CALU: variants seen among roughly 807,000 people sequenced by gnomAD.
The protein encoded by CALU is IEF SSP 9302.
CALU carries 13 observed loss-of-function variants against 37.5 expected under a neutral mutation model. The observed-to-expected ratio is 0.35, with a 90% CI of 0.23 to 0.55. The LOEUF (loss-of-function observed/expected upper bound fraction) is 0.55, where lower values mean the gene tolerates loss of function less well. Ranked by LOEUF, CALU falls within the 20% of genes least tolerant of loss-of-function variation. The pLI is 0.89. For synonymous variants in CALU, 114 were observed against 133.8 expected (o/e 0.85, Z 1.02); for missense variants, 282 against 391.7 (o/e 0.72, Z 2.36).
intron 2 of CALU, among the ~76,000 whole-genome samples, chr7:128,751,998 A>G (rs998219878): frequency 6.6e-6 from 1 of 152,190 alleles, no homozygotes; most frequent in African/African-American, 2.4e-5. Flanking sequence ...AGCTTCATAA[A>G]TTTACACAGG....
At chr7:128,749,914 A>G (rs1360546499) in intron 2 of CALU, among the ~76,000 whole-genome samples, 23 of 152,222 alleles carry the variant, frequency 1.5e-4, no homozygotes, top group Admixed American at 1.4e-3. Context: ...TAATAACTGT[A>G]CTAACATTCC....
At chr7:128,742,667 A>C (rs1800284111) in intron 1 of CALU, among the ~76,000 whole-genome samples, 1 of 152,204 alleles carries the variant, frequency 6.6e-6, no homozygotes, top group African/African-American at 2.4e-5. Context: ...TTCTTACCTG[A>C]AGGGTGGGGT....
Position 128,754,295 on chromosome 7 carries a change from C to G in CALU, c.255C>G (p.Asp85Glu), listed in dbSNP as rs770954063. Residue 85 changes from aspartate (D) to glutamate (E), a missense_variant, in exon 3 of 7, where the codon GAC becomes GAG. Transcript: ENST00000249364. ...KIVSKIDGDK[D>E]GFVTVDELKD... ...TAAGTAAAATAGATGGCGACAAGGA[C>G]GGGTTTGTCACTGTGGATGAGCTCA... 1 of 1,610,210 alleles carries G rather than the reference C, an allele frequency of 6.2e-7. No homozygotes were observed.
At position 128,758,450 on chromosome 7, in the gene CALU, G is replaced by T. The variant is rs555732366; in HGVS notation, c.416-421G>T. On this transcript the variant is annotated intron_variant, in intron 3 of 6. Coordinates refer to ENST00000249364, the MANE Select transcript of CALU (RefSeq NM_001219.5). ...CATTTAAACCTTACAACAATCCTAT[G>T]AAGCCGGCACCATTGCTAGCTCCAT... 4.6e-5 allele frequency among the ~76,000 whole-genome samples: 7 copies of T among 152,286 alleles called. No individual in the cohort carries two copies. The South Asian group carries it at 1.5e-3, about 32-fold the overall frequency.
intron 5 of CALU, among the ~76,000 whole-genome samples, chr7:128,760,713 C>T (rs1585015213): frequency 6.6e-6 from 1 of 152,234 alleles, no homozygotes; most frequent in East Asian, 1.9e-4. Flanking sequence ...TCGAGACCAT[C>T]CTGGCTAACA....
intron 1 of CALU, 163 bp from the exon 2 acceptor site, chr7:128,748,410 A>G (rs1800527917): frequency 7.2e-7 from 1 of 1,391,482 alleles, no homozygotes; most frequent in East Asian, 2.5e-5. Flanking sequence ...CTGATATTCC[A>G]CCATACTTAT....
chr7:128,746,663 G>C (rs1800452568), intron 1 of CALU, among the ~76,000 whole-genome samples: 1 of 151,876 alleles, frequency 6.6e-6, no homozygotes, highest in Admixed American at 6.6e-5. Flanking sequence ...TATCACCCAG[G>C]CTTGTCTTAA....
Position 128,772,486 on chromosome 7 carries a change from TAC to T in CALU, c.*3320_*3321del. The T allele has an allele frequency of 6.2e-7, 1 of 1,610,364 alleles. No homozygotes were observed. Among genetic ancestry groups the T allele is most frequent in the East Asian group, 2.2e-5 (1 of 44,822 alleles). ...GTTTCTGACGGAGACAATAGAAACT[TAC>T]TTAAAAGTAAAATTTAATTCTAGCT... On this transcript the variant is annotated 3_prime_UTR_variant, in exon 7 of 7. Transcript: ENST00000249364.
chr7:128,763,705 G>A (rs1801213150), intron 5 of CALU, among the ~76,000 whole-genome samples: 1 of 152,126 alleles, frequency 6.6e-6, no homozygotes, highest in African/African-American at 2.4e-5. Flanking sequence ...TATCCTGTGA[G>A]TAAGTCTTCT....
chr7:128,769,277 G>A lies in CALU; in HGVS notation c.*110G>A. 1.6e-6 allele frequency: 1 copy of A among 610,334 alleles called. No homozygotes were observed. Among genetic ancestry groups the A allele is most frequent in the Non-Finnish European group, 2.9e-6 (1 of 346,954 alleles). 37.8% of individuals were successfully genotyped at this position (610,334 alleles called of 1,614,324 possible). A position where few individuals can be genotyped will look rare whatever the true frequency, so the allele number is the denominator to read the frequency against. On this transcript the variant is annotated 3_prime_UTR_variant, in exon 7 of 7. Transcript: ENST00000249364. Reference sequence around the variant, plus strand: ...TGTTACTACAAACTTTTTAAGACATGAAAAGGCGTAATGAAAACCATCCCG... The same window carrying A: ...TGTTACTACAAACTTTTTAAGACATAAAAAGGCGTAATGAAAACCATCCCG...
chr7:128,740,077 T>C (rs551838061), intron 1 of CALU, among the ~76,000 whole-genome samples: 2 of 152,216 alleles, frequency 1.3e-5, no homozygotes, highest in Non-Finnish European at 2.9e-5. Flanking sequence ...ATTGGGGAAT[T>C]AATTTTTGTT....
intron 5 of CALU, among the ~76,000 whole-genome samples, chr7:128,765,306 G>C (rs1347185058): frequency 6.6e-6 from 1 of 151,984 alleles, no homozygotes; most frequent in East Asian, 1.9e-4. Context: ...TTGCAGCCTC[G>C]ATCTGCTAGG....
At chr7:128,761,983 C>T (rs1402187739) in intron 5 of CALU, among the ~76,000 whole-genome samples, 1 of 151,758 alleles carries the variant, frequency 6.6e-6, no homozygotes, top group South Asian at 2.1e-4. Flanking sequence ...CAGTGGCATA[C>T]TTTGAACTTT....
rs1451140285 is a variant in CALU, at chr7:128,771,011, T to C, written c.*1844T>C. 6.6e-6 allele frequency: 1 copy of C among 152,618 alleles called. No individual in the cohort carries two copies. The highest frequency in any genetic ancestry group is 1.5e-5 in the Non-Finnish European group (1 of 68,040). 9.5% of individuals were successfully genotyped at this position (152,618 alleles called of 1,614,324 possible). A position where few individuals can be genotyped will look rare whatever the true frequency, so the allele number is the denominator to read the frequency against. The stretch of plus-strand genomic sequence containing the variant: ...AGCTCTTGATAGTGGATATACTCTT[T>C]TAAGTTTAGCCCCAATATAGGGTAA... On this transcript the variant is annotated 3_prime_UTR_variant, in exon 7 of 7. Coordinates refer to ENST00000249364, the MANE Select transcript of CALU (RefSeq NM_001219.5).
chr7:128,749,241 G>GGT (rs1447558602), intron 2 of CALU, among the ~76,000 whole-genome samples: 15 of 152,142 alleles, frequency 9.9e-5, no homozygotes, highest in African/African-American at 3.1e-4. Context: ...GATTTCCCGA[G>GGT]GTGTCCTTCA....
intron 5 of CALU, among the ~76,000 whole-genome samples, chr7:128,765,218 C>CT (rs957840147): frequency 6.6e-6 from 1 of 151,884 alleles, no homozygotes; most frequent in African/African-American, 2.4e-5. Context: ...CCTCCTGTTT[C>CT]TTTTTTTTCT....
intron 5 of CALU, chr7:128,761,707 T>C (rs745411441): frequency 3.9e-5 from 6 of 152,242 alleles, no homozygotes; most frequent in East Asian, 3.8e-4. Flanking sequence ...CACATACTTA[T>C]TGTCATTTGT....
Position 128,754,432 on chromosome 7 carries a change from A to G in CALU, c.392A>G (p.Asn131Ser). The G allele has an allele frequency of 1.2e-6, 2 of 1,613,746 alleles. No homozygotes were observed. Among genetic ancestry groups the G allele is most frequent in the Non-Finnish European group, 1.7e-6 (2 of 1,179,872 alleles). ...DGLVSWEEYK[N>S]ATYGYVLDDP... ...CTCGTTTCCTGGGAGGAGTATAAAA[A>G]TGCCACCTACGGCTACGTTTTAGGT... is the stretch of plus-strand genomic sequence containing the variant. Residue 131 changes from asparagine to serine, a missense_variant, in exon 3 of 7, where the codon AAT becomes AGT. Coordinates refer to ENST00000249364, the MANE Select transcript of CALU (RefSeq NM_001219.5).
At chr7:128,748,328 A>G (rs541849674) in intron 1 of CALU, 50 of 1,459,020 alleles carry the variant, frequency 3.4e-5, no homozygotes, top group East Asian at 5.0e-5. Context: ...CATTTTAACT[A>G]TAAGTTTCTT....
Sources: gnomAD v4.1 joint callset for allele counts (sites outside exome capture counted in the v4.1 genomes callset) on GRCh38, gnomAD v4.1.1 for gene constraint, MANE v1.5 for transcripts, NCBI Gene and HGNC (gene_info 2026-07-23, HGNC 2026-07-21) for gene names.